Variants in LPGAT1 observed in about 807,000 individuals in gnomAD.
LPGAT1 encodes the protein acyl-CoA:lysophosphatidylglycerol acyltransferase 1.
Under a neutral mutation model 47.5 loss-of-function variants are expected in LPGAT1, and 11 were observed. The ratio of observed to expected loss-of-function variants is 0.23; its 90% CI spans 0.15 to 0.38. The LOEUF is 0.38. Among genes scored for constraint, LPGAT1 ranks in the 10% least tolerant of loss-of-function variants. The probability of loss-of-function intolerance (pLI) is 1.00; values close to 1 mark genes in which losing one functional copy is unlikely to be tolerated. For synonymous variants in LPGAT1, 138 were observed against 144.2 expected (o/e 0.96, Z 0.31); for missense variants, 293 against 439.0 (o/e 0.67, Z 2.97).
intron 1 of LPGAT1, chr1:211,829,695 A>G: frequency 9.6e-7 from 1 of 1,039,088 alleles, no homozygotes; most frequent in Non-Finnish European, 1.2e-6. Flanking sequence ...AACTGAAGAC[A>G]CAAGTGACAT....
Position 211,750,024 on chromosome 1 carries a change from T to C in LPGAT1, c.988A>G (p.Lys330Glu). 6.2e-7 allele frequency: 1 copy of C among 1,614,066 alleles called. No individual in the cohort carries two copies. The part of the protein sequence containing the change: ...TGAFPPSKGH[K>E]EAVSREMTLS... ...GTCATCTCCCTGGAAACAGCTTCCT[T>C]ATGGCCCTTGGAAGGTGGAAAAGCT... The change falls in exon 8 of 8, where the codon AAG becomes GAG. Residue 330 changes from lysine (K) to glutamate (E), a missense_variant. Coordinates refer to ENST00000366997, the MANE Select transcript of LPGAT1 (RefSeq NM_014873.3).
At chr1:211,781,602 G>GTT (rs1658645787) in intron 5 of LPGAT1, among the ~76,000 whole-genome samples, 1 of 152,204 alleles carries the variant, frequency 6.6e-6, no homozygotes, top group Non-Finnish European at 1.5e-5. Context: ...TTAAATCTGA[G>GTT]TTAAATCACA....
At chr1:211,762,256 C>T (rs527366041) in intron 6 of LPGAT1, among the ~76,000 whole-genome samples, 1 of 152,258 alleles carries the variant, frequency 6.6e-6, no homozygotes, top group South Asian at 2.1e-4. Context: ...AAAAATAAGG[C>T]TGAATTAAAC....
chr1:211,788,480 T>C (rs1041961883), intron 3 of LPGAT1, among the ~76,000 whole-genome samples: 6 of 151,848 alleles, frequency 4.0e-5, no homozygotes, highest in Admixed American at 6.6e-5. Context: ...GTCAGGAGTT[T>C]AAGACCAGCC....
At chr1:211,759,287 G>A (rs948979890) in intron 6 of LPGAT1, among the ~76,000 whole-genome samples, 19 of 149,360 alleles carry the variant, frequency 1.3e-4, no homozygotes, top group African/African-American at 3.9e-4. Context: ...TTTTAGAGAC[G>A]GGGTCTTGCT....
Position 211,749,662 on chromosome 1 carries a change from T to C in LPGAT1, c.*237A>G, listed in dbSNP as rs1657092514. On this transcript the variant is annotated 3_prime_UTR_variant, in exon 8 of 8. Transcript: ENST00000366997. ...TCCAAATGTGATGTTTGCTTAAATA[T>C]GTGATAGAGTGTATCTTTTTAAAAC... 7.1e-6 allele frequency: 3 copies of C among 424,622 alleles called. No homozygotes were observed. The highest frequency in any genetic ancestry group is 2.1e-5 in the African/African-American group (1 of 47,964). The allele number at this position is 424,622 out of a possible 1,614,324, so 26.3% of individuals were successfully genotyped here. A position where few individuals can be genotyped will look rare whatever the true frequency, so the allele number is the denominator to read the frequency against.
intron 3 of LPGAT1, among the ~76,000 whole-genome samples, chr1:211,789,284 A>T (rs1213739986): frequency 1.3e-5 from 2 of 152,200 alleles, no homozygotes; most frequent in East Asian, 3.8e-4. Context: ...TAAGAAGTGT[A>T]GTTGTAATTT....
At chr1:211,823,941 CAAA>C (rs1161160344) in intron 2 of LPGAT1, among the ~76,000 whole-genome samples, 2 of 107,050 alleles carry the variant, frequency 1.9e-5, no homozygotes, top group Admixed American at 9.5e-5. Context: ...ATCTGTCTCT[CAAA>C]AAAAAAAAAA....
At chr1:211,775,952 G>GT (rs1658381389) in intron 6 of LPGAT1, among the ~76,000 whole-genome samples, 2 of 143,544 alleles carry the variant, frequency 1.4e-5, no homozygotes, top group Admixed American at 1.4e-4. Context: ...AAAAAAAAGT[G>GT]TTTCATTTAA....
rs1170422105 is a variant in LPGAT1 at position 211,751,011 on chromosome 1, T to C, written c.911A>G (p.Tyr304Cys). The change falls in exon 7 of 8, where the codon TAT becomes TGT. Residue 304 changes from tyrosine (Y) to cysteine (C), a missense_variant. Coordinates refer to ENST00000366997, the MANE Select transcript of LPGAT1 (RefSeq NM_014873.3). ...GTCTTCTTTTTCAACAAACCGCTGA[T>C]AGAGCCAAGTGGTAAGGTCATCAGT... ...LETDDLTTWL[Y>C]QRFVEKEDLL... 3.7e-6 allele frequency: 6 copies of C among 1,613,870 alleles called. No individual in the cohort carries two copies. The highest frequency in any genetic ancestry group is 1.3e-5 in the African/African-American group (1 of 74,930).
intron 2 of LPGAT1, among the ~76,000 whole-genome samples, chr1:211,806,034 T>C (rs1659744376): frequency 6.6e-6 from 1 of 151,890 alleles, no homozygotes; most frequent in Non-Finnish European, 1.5e-5. Flanking sequence ...CCAAGGTGGG[T>C]GGATCACTTG....
chr1:211,758,938 ATTTT>A (rs1331856216), intron 6 of LPGAT1, among the ~76,000 whole-genome samples: 2 of 152,028 alleles, frequency 1.3e-5, no homozygotes, highest in East Asian at 1.9e-4. Flanking sequence ...TTTATTAAGA[ATTTT>A]TTTATCGATT....
intron 4 of LPGAT1, among the ~76,000 whole-genome samples, chr1:211,785,025 G>T (rs138182227): frequency 3.3e-5 from 5 of 152,004 alleles, no homozygotes; most frequent in East Asian, 3.9e-4. Context: ...GGATGGTCTC[G>T]ATCTCCTGAC....
rs536492425 is a variant in LPGAT1 at position 211,806,799 on chromosome 1, G to A, written c.239-13609C>T. Among the ~76,000 whole-genome samples the A allele has an allele frequency of 2.6e-5, 4 of 152,234 alleles. No individual in the cohort carries two copies. The East Asian group carries it at 7.7e-4, about 29-fold the overall frequency. On this transcript the variant is annotated intron_variant, in intron 2 of 7. Coordinates refer to ENST00000366997, the MANE Select transcript of LPGAT1 (RefSeq NM_014873.3). ...AACTAGGAGTAAAAAAATTTCCTCA[G>A]TGTGATAAAGTTTTAAACGTAAAAC...
At chr1:211,790,103 A>T (rs950882310) in intron 3 of LPGAT1, among the ~76,000 whole-genome samples, 2 of 152,204 alleles carry the variant, frequency 1.3e-5, no homozygotes, top group Non-Finnish European at 2.9e-5. Flanking sequence ...CTAGAGACTT[A>T]AATGACTGCA....
At chr1:211,773,194 T>C (rs949788512) in intron 6 of LPGAT1, among the ~76,000 whole-genome samples, 2 of 152,186 alleles carry the variant, frequency 1.3e-5, no homozygotes, top group Non-Finnish European at 2.9e-5. Context: ...GCAGTATATA[T>C]GAGATCACCT....
At chr1:211,762,880 T>C (rs1657757329) in intron 6 of LPGAT1, among the ~76,000 whole-genome samples, 3 of 152,222 alleles carry the variant, frequency 2.0e-5, no homozygotes, top group Admixed American at 2.0e-4. Context: ...AAATGTGAGC[T>C]GACAAACAAC....
chr1:211,830,105 G>A lies in LPGAT1; in HGVS notation c.-28+468C>T, dbSNP rs1037409221. Reference sequence around the variant, plus strand: ...AGAGAAGAGGCGACCGCAGCGCGGGGAGCCGGTGGAGCCTGCAGCGGTTTC... The same window carrying A: ...AGAGAAGAGGCGACCGCAGCGCGGGAAGCCGGTGGAGCCTGCAGCGGTTTC... On this transcript the variant is annotated intron_variant, in intron 1 of 7. Transcript: ENST00000366997. The surrounding 1 kb of genome is among the most constrained non-coding windows in gnomAD (Gnocchi z 5.9). 166 of 984,512 alleles carry A rather than the reference G, an allele frequency of 1.7e-4. No homozygotes were observed. The highest frequency in any genetic ancestry group is 2.0e-4 in the Non-Finnish European group (162 of 829,730). The allele number at this position is 984,512 out of a possible 1,614,324, so 61.0% of individuals were successfully genotyped here. A position where few individuals can be genotyped will look rare whatever the true frequency, so the allele number is the denominator to read the frequency against.
At chr1:211,784,977 T>G (rs185655281) in intron 4 of LPGAT1, among the ~76,000 whole-genome samples, 70 of 152,048 alleles carry the variant, frequency 4.6e-4, no homozygotes, top group East Asian at 1.5e-3. Flanking sequence ...CTAATTTTTT[T>G]TGTTTTTAGT....
Sources: gnomAD v4.1 joint callset for allele counts (sites outside exome capture counted in the v4.1 genomes callset) on GRCh38, gnomAD v4.1.1 for gene constraint, Gnocchi (gnomAD v3.1) non-coding constraint, MANE v1.5 for transcripts, NCBI Gene and HGNC (gene_info 2026-07-23, HGNC 2026-07-21) for gene names.